Variants in STARD13 observed in about 807,000 individuals in gnomAD.
STARD13 encodes StAR related lipid transfer domain containing 13.
STARD13 carries 62 observed loss-of-function variants against 106.4 expected under a neutral mutation model. The ratio of observed to expected loss-of-function variants is 0.58; its 90% CI spans 0.48 to 0.72. STARD13 has a LOEUF of 0.72. Among genes scored for constraint, STARD13 ranks in the 30% least tolerant of loss-of-function variants. The pLI, the probability that STARD13 is intolerant of heterozygous loss-of-function variation, is 0.00. For synonymous variants in STARD13, 565 were observed against 553.0 expected, an observed-to-expected ratio of 1.02 and a Z score of -0.31; for missense variants, 1,387 against 1,424.0, an observed-to-expected ratio of 0.97 and a Z score of 0.42.
At chr13:33,225,558 C>A (rs1377547517) in intron 1 of STARD13, among the ~76,000 whole-genome samples, 1 of 152,118 alleles carries the variant, frequency 6.6e-6, no homozygotes, top group Non-Finnish European at 1.5e-5. Flanking sequence ...AATATTTATG[C>A]TGCTTGTTTT....
Position 33,235,370 on chromosome 13 carries a change from T to C in STARD13, c.169+50100A>G, listed in dbSNP as rs1889135570. On this transcript the variant is annotated intron_variant, in intron 1 of 13. Transcript: ENST00000336934. ...GTGAAAATCAATGTGGAACAGAAAA[T>C]AAGGCTGGCAATAACCCATCTGATT... 2.0e-5 allele frequency among the ~76,000 whole-genome samples: 3 copies of C among 152,088 alleles called. No homozygotes were observed. In the South Asian group the frequency reaches 6.2e-4, roughly 32 times the overall value.
At chr13:33,629,924 C>T in the STARD13 span, among the ~76,000 whole-genome samples, 25,560 of 152,028 alleles carry the variant, frequency 0.17, 4,507 homozygotes, top group African/African-American at 0.44. Flanking sequence ...AGATGAGTAA[C>T]ACAAGCTCAA....
At chr13:33,522,269 T>C in the STARD13 span, among the ~76,000 whole-genome samples, 1 of 152,008 alleles carries the variant, frequency 6.6e-6, no homozygotes, top group Non-Finnish European at 1.5e-5. Context: ...GGTACGGACA[T>C]TTCCCATATG....
the STARD13 span, among the ~76,000 whole-genome samples, chr13:33,366,349 A>G: frequency 6.6e-6 from 1 of 152,190 alleles, no homozygotes; most frequent in Non-Finnish European, 1.5e-5. This position sits in a 1 kb window ranked among gnomAD's most constrained non-coding sequence, Gnocchi z 4.2. Context: ...TTGTTTTTAG[A>G]TAACTGAAGT....
chr13:33,431,096 ACAT>A, the STARD13 span, among the ~76,000 whole-genome samples: 4 of 152,216 alleles, frequency 2.6e-5, no homozygotes, highest in African/African-American at 9.6e-5. Context: ...GAGACAAGAC[ACAT>A]AATTAAGGTC....
chr13:33,673,642 A>G, the STARD13 span, among the ~76,000 whole-genome samples: 2 of 148,966 alleles, frequency 1.3e-5, no homozygotes, highest in East Asian at 3.9e-4. Context: ...TCCCTGGTTC[A>G]AGCAATTCTC....
chr13:33,279,026 A>T (rs962121573), intron 1 of STARD13, among the ~76,000 whole-genome samples: 3 of 152,176 alleles, frequency 2.0e-5, no homozygotes, highest in African/African-American at 7.2e-5. Context: ...TGTGGTCTTT[A>T]GATCATTCAA....
rs144999499 is a variant in STARD13, at chr13:33,213,406, A to G, written c.170-45784T>C. Among the ~76,000 whole-genome samples, 308 of 152,356 alleles carry G rather than the reference A, an allele frequency of 2.0e-3. 1 individual carries two copies. The highest frequency in any genetic ancestry group is 6.8e-3 in the African/African-American group (283 of 41,594). On this transcript the variant is annotated intron_variant, in intron 1 of 13. Transcript: ENST00000336934. ...AGAAGACAAAATCATGTAGTACAAAATTAACTATGTTCACAAGAGAGGCTC... is the reference window on the plus strand; with the variant it reads ...AGAAGACAAAATCATGTAGTACAAAGTTAACTATGTTCACAAGAGAGGCTC...
At chr13:33,604,110 G>T in the STARD13 span, among the ~76,000 whole-genome samples, 1 of 152,106 alleles carries the variant, frequency 6.6e-6, no homozygotes, top group East Asian at 1.9e-4. Flanking sequence ...AAATAACAAA[G>T]TCAGAACTGA....
At chr13:33,467,239 T>C in the STARD13 span, among the ~76,000 whole-genome samples, 48,220 of 151,468 alleles carry the variant, frequency 0.32, 8,135 homozygotes, top group Non-Finnish European at 0.39. Flanking sequence ...TAGATGGTCC[T>C]GTCTGGGGGT....
the STARD13 span, among the ~76,000 whole-genome samples, chr13:33,415,088 G>T: frequency 6.6e-6 from 1 of 152,170 alleles, no homozygotes; most frequent in African/African-American, 2.4e-5. Context: ...CATACCTGTC[G>T]CCGGGCATGG....
At chr13:33,440,272 A>G in the STARD13 span, among the ~76,000 whole-genome samples, 7 of 145,264 alleles carry the variant, frequency 4.8e-5, no homozygotes, top group African/African-American at 9.9e-5. Context: ...GAACGAGGCA[A>G]AAAAAAAAAA....
At chr13:33,138,371 C>T (rs992682466) in intron 4 of STARD13, 3 of 146,978 alleles carry the variant, frequency 2.0e-5, no homozygotes, top group Non-Finnish European at 4.5e-5. Flanking sequence ...TTTGTGTGTG[C>T]CTTGGTGTTT....
the STARD13 span, among the ~76,000 whole-genome samples, chr13:33,575,931 G>A: frequency 6.6e-6 from 1 of 151,984 alleles, no homozygotes; most frequent in South Asian, 2.1e-4. Context: ...GCCTAATAAT[G>A]TTCAGGAATT....
the STARD13 span, among the ~76,000 whole-genome samples, chr13:33,606,133 C>G: frequency 6.6e-6 from 1 of 152,048 alleles, no homozygotes; most frequent in African/African-American, 2.4e-5. Context: ...AACCCCATCT[C>G]TACTAAAAAT....
the STARD13 span, among the ~76,000 whole-genome samples, chr13:33,674,334 C>T: frequency 6.6e-6 from 1 of 152,094 alleles, no homozygotes; most frequent in Non-Finnish European, 1.5e-5. Context: ...TAGTTAATTT[C>T]AGCTATTTCT....
At chr13:33,429,934 G>GT in the STARD13 span, among the ~76,000 whole-genome samples, 1 of 149,732 alleles carries the variant, frequency 6.7e-6, no homozygotes, top group Non-Finnish European at 1.5e-5. Context: ...TTTTGGGGGG[G>GT]GGGGACGGAG....
the STARD13 span, among the ~76,000 whole-genome samples, chr13:33,573,459 T>C: frequency 6.6e-6 from 1 of 152,228 alleles, no homozygotes; most frequent in South Asian, 2.1e-4. Context: ...TGTAACAATA[T>C]TATTAAAGTC....
chr13:33,163,712 C>CAT (rs553805990), intron 3 of STARD13, among the ~76,000 whole-genome samples: 22 of 62,426 alleles, frequency 3.5e-4, no homozygotes, highest in Middle Eastern at 0.01. Flanking sequence ...ATATATAAAA[C>CAT]ATATATATAA....
Sources: allele counts gnomAD v4.1 joint callset (sites outside exome capture counted in the v4.1 genomes callset), GRCh38; gene constraint gnomAD v4.1.1; non-coding constraint Gnocchi (gnomAD v3.1); transcripts MANE v1.5; gene names NCBI Gene and HGNC (gene_info 2026-07-23, HGNC 2026-07-21).